The following TSG101 variants were observed in gnomAD, a reference collection of about 807,000 sequenced individuals.
The protein encoded by TSG101 is tumor susceptibility gene 101 protein.
TSG101 carries 19 observed loss-of-function variants against 48.5 expected under a neutral mutation model. That is an observed-to-expected ratio of 0.39 (90% CI 0.27 to 0.58). The LOEUF (loss-of-function observed/expected upper bound fraction) is 0.58, where lower values mean the gene tolerates loss of function less well. Ranked by LOEUF, TSG101 falls within the 20% of genes least tolerant of loss-of-function variation. The pLI is 0.55. For missense variants in TSG101, 365 were observed against 484.4 expected, an observed-to-expected ratio of 0.75 and a Z score of 2.31; for synonymous variants, 174 against 169.4, an observed-to-expected ratio of 1.03 and a Z score of -0.21.
intron 7 of TSG101, chr11:18,490,291 G>A (rs948388445): frequency 5.2e-6 from 3 of 574,420 alleles, no homozygotes; most frequent in Non-Finnish European, 1.0e-5. Flanking sequence ...TGTCCACAGA[G>A]TAACACTGTC....
At chr11:18,519,150 C>T (rs573737618) in intron 2 of TSG101, among the ~76,000 whole-genome samples, 1 of 151,912 alleles carries the variant, frequency 6.6e-6, no homozygotes, top group Non-Finnish European at 1.5e-5. Context: ...GTAGCTGGGA[C>T]TACAGGAGCA....
At chr11:18,495,417 A>C (rs144902515) in intron 7 of TSG101, among the ~76,000 whole-genome samples, 3 of 152,208 alleles carry the variant, frequency 2.0e-5, no homozygotes, top group Non-Finnish European at 4.4e-5. Flanking sequence ...GAGAACTTTC[A>C]CCACTGCTGA....
At chr11:18,510,765 CAA>C (rs112960903) in intron 4 of TSG101, among the ~76,000 whole-genome samples, 1 of 151,844 alleles carries the variant, frequency 6.6e-6, no homozygotes, top group South Asian at 2.1e-4. Flanking sequence ...CTGGTCTCTA[CAA>C]AAAAATTAAC....
chr11:18,496,380 TAC>T (rs1849777482), intron 7 of TSG101, among the ~76,000 whole-genome samples: 1 of 151,066 alleles, frequency 6.6e-6, no homozygotes, highest in Non-Finnish European at 1.5e-5. Flanking sequence ...AGGCAGAGAT[TAC>T]AGTGAGCCGA....
chr11:18,524,680 T>G (rs1045985550), intron 1 of TSG101, among the ~76,000 whole-genome samples: 12 of 152,160 alleles, frequency 7.9e-5, no homozygotes, highest in Non-Finnish European at 1.6e-4. Flanking sequence ...GCAGGTAGGA[T>G]GCCCTCTCCC....
In TSG101 at chr11:18,494,488, CTTTT is replaced by C. The variant is rs1175518599; in HGVS notation, c.640+7994_640+7997del. On this transcript the variant is annotated intron_variant, in intron 7 of 9. Transcript: ENST00000251968. Reference sequence around the variant, plus strand: ...AATCATTTGTTAACTTACACAATAGCTTTTTTAAAAGCTTTCAAATCTATCATTA... The same window carrying C: ...AATCATTTGTTAACTTACACAATAGCTTAAAAGCTTTCAAATCTATCATTA... Among the ~76,000 whole-genome samples, 5 of 152,120 alleles carry C rather than the reference CTTTT, an allele frequency of 3.3e-5. 1 individual carries two copies. The highest frequency in any genetic ancestry group is 7.4e-5 in the Non-Finnish European group (5 of 68,018).
intron 7 of TSG101, among the ~76,000 whole-genome samples, chr11:18,486,148 C>T (rs936462351): frequency 7.9e-5 from 12 of 152,234 alleles, no homozygotes; most frequent in Admixed American, 2.6e-4. Context: ...CCAGTGAAAG[C>T]TCTTTCATCA....
chr11:18,487,446 A>T (rs1849636290), intron 7 of TSG101, among the ~76,000 whole-genome samples: 1 of 152,172 alleles, frequency 6.6e-6, no homozygotes. Flanking sequence ...ATTAGAAAAA[A>T]TGTAAAATGC....
At chr11:18,506,974 T>G (rs377266259) in intron 5 of TSG101, 51 bp from the exon 6 acceptor site, 18 of 1,449,134 alleles carry the variant, frequency 1.2e-5, no homozygotes, top group Non-Finnish European at 1.9e-6. Flanking sequence ...GGCCTGAATA[T>G]GTAGGCTACT....
At chr11:18,480,959 T>C (rs1849527278) in intron 9 of TSG101, among the ~76,000 whole-genome samples, 1 of 152,148 alleles carries the variant, frequency 6.6e-6, no homozygotes, top group Admixed American at 6.6e-5. Context: ...CATGTGGTTG[T>C]ACCACTTCTG....
At chr11:18,519,729 A>T (rs763370355) in intron 1 of TSG101, 126 bp from the exon 2 acceptor site, 33 of 640,756 alleles carry the variant, frequency 5.2e-5, no homozygotes, top group African/African-American at 7.4e-5. Flanking sequence ...GAACCTAAAA[A>T]ACCCATAATA....
At position 18,509,674 on chromosome 11, in the gene TSG101, TG is replaced by T; in HGVS notation, c.358-10del. The stretch of plus-strand genomic sequence containing the variant: ...AACAAGTCTGACTGTGGCTACAAAA[TG>T]AAAAAAAATTCAAGTCAGCTACAGA... On this transcript the variant is annotated splice_polypyrimidine_tract_variant and intron_variant, in intron 4 of 9. Transcript: ENST00000251968. 1 of 1,567,230 alleles carries T rather than the reference TG, an allele frequency of 6.4e-7. No individual in the cohort carries two copies. Among genetic ancestry groups the T allele is most frequent in the Non-Finnish European group, 8.7e-7 (1 of 1,155,722 alleles).
At chr11:18,488,375 T>C (rs1357290233) in intron 7 of TSG101, among the ~76,000 whole-genome samples, 1 of 152,160 alleles carries the variant, frequency 6.6e-6, no homozygotes, top group South Asian at 2.1e-4. Flanking sequence ...GTGAGACTGA[T>C]AGGCCTATTA....
At chr11:18,504,934 G>C (rs934411716) in intron 6 of TSG101, among the ~76,000 whole-genome samples, 1 of 152,094 alleles carries the variant, frequency 6.6e-6, no homozygotes, top group Non-Finnish European at 1.5e-5. Flanking sequence ...ACTACCAAAG[G>C]AATCTTTCTC....
chr11:18,482,680 G>C (rs1227883117), intron 8 of TSG101, among the ~76,000 whole-genome samples: 1 of 152,184 alleles, frequency 6.6e-6, no homozygotes, highest in East Asian at 1.9e-4. Flanking sequence ...GCTGAAGGTT[G>C]CATATGCTAT....
chr11:18,521,669 C>CTTTTTT (rs1565096217), intron 1 of TSG101, among the ~76,000 whole-genome samples: 2 of 111,440 alleles, frequency 1.8e-5, no homozygotes, highest in Non-Finnish European at 3.6e-5. Context: ...CTGGCCCCTT[C>CTTTTTT]CTTTTTTTTT....
At chr11:18,504,434 AAAAG>A (rs1427807494) in intron 6 of TSG101, among the ~76,000 whole-genome samples, 3 of 152,166 alleles carry the variant, frequency 2.0e-5, no homozygotes, top group Non-Finnish European at 2.9e-5. Context: ...AGACAAAAAA[AAAAG>A]AAAGCATTTT....
rs959388039 is a variant in TSG101, at chr11:18,480,403, A to G, written c.*143T>C. On this transcript the variant is annotated 3_prime_UTR_variant, in exon 10 of 10. Transcript: ENST00000251968. Reference sequence around the variant, plus strand: ...CATTAATAAAAGCCAGTCTTTACCAAAAGAAAACAGAAAATATATTATTGA... The same window carrying G: ...CATTAATAAAAGCCAGTCTTTACCAGAAGAAAACAGAAAATATATTATTGA... The G allele has an allele frequency of 2.0e-5, 13 of 645,910 alleles. No homozygotes were observed. The highest frequency in any genetic ancestry group is 3.0e-5 in the Non-Finnish European group (12 of 401,346). The allele number at this position is 645,910 out of a possible 1,614,324, so 40.0% of individuals were successfully genotyped here. A position where few individuals can be genotyped will look rare whatever the true frequency, so the allele number is the denominator to read the frequency against.
At position 18,496,900 on chromosome 11, in the gene TSG101, G is replaced by A. The variant is rs1218842151; in HGVS notation, c.640+5586C>T. ...AGGAGTTGCAGTTGGAGATCAGCCT[G>A]GCCAACATGGTAAAACCCTGTCTCT... On this transcript the variant is annotated intron_variant, in intron 7 of 9. Transcript: ENST00000251968. Among the ~76,000 whole-genome samples the A allele has an allele frequency of 2.0e-5, 3 of 152,260 alleles. No individual in the cohort carries two copies. The East Asian group carries it at 5.8e-4, about 29-fold the overall frequency.
Sources: allele counts gnomAD v4.1 joint callset (sites outside exome capture counted in the v4.1 genomes callset), GRCh38; gene constraint gnomAD v4.1.1; transcripts MANE v1.5; gene names NCBI Gene and HGNC (gene_info 2026-07-23, HGNC 2026-07-21).